Variants in KCND2 observed in about 807,000 individuals in gnomAD.
The protein encoded by KCND2 is A-type voltage-gated potassium channel KCND2.
KCND2 carries 16 observed loss-of-function variants against 54.4 expected under a neutral mutation model. The observed-to-expected ratio is 0.29, with a 90% CI of 0.20 to 0.45. The LOEUF (loss-of-function observed/expected upper bound fraction) is 0.45, where lower values mean the gene tolerates loss of function less well. KCND2 is among the 20% of genes least tolerant of loss of function. KCND2 has a pLI of 1.00. For missense variants in KCND2, 486 were observed against 824.2 expected (o/e 0.59, Z 5.02); for synonymous variants, 317 against 310.7 (o/e 1.02, Z -0.21).
At chr7:120,617,236 C>G (rs77390749) in intron 1 of KCND2, among the ~76,000 whole-genome samples, 1 of 152,080 alleles carries the variant, frequency 6.6e-6, no homozygotes, top group African/African-American at 2.4e-5. Flanking sequence ...CAGTTGTATG[C>G]CAGGCTTTGT....
intron 1 of KCND2, among the ~76,000 whole-genome samples, chr7:120,481,685 G>A (rs1802610333): frequency 6.6e-6 from 1 of 152,168 alleles, no homozygotes; most frequent in Non-Finnish European, 1.5e-5. Flanking sequence ...CCTGCATTCT[G>A]AAGCAGTGCT....
chr7:120,567,163 T>C (rs929204093), intron 1 of KCND2, among the ~76,000 whole-genome samples: 7 of 152,182 alleles, frequency 4.6e-5, no homozygotes, highest in African/African-American at 7.2e-5. Flanking sequence ...ACTAACACTA[T>C]TATTTTCCCT....
chr7:120,472,562 TACAC>T (rs10679656), intron 1 of KCND2, among the ~76,000 whole-genome samples: 11 of 149,614 alleles, frequency 7.4e-5, no homozygotes, highest in Middle Eastern at 3.5e-3. Flanking sequence ...AGACTTTAAA[TACAC>T]ACACACACAC....
At chr7:120,552,634 A>C in intron 1 of KCND2, among the ~76,000 whole-genome samples, 1 of 152,198 alleles carries the variant, frequency 6.6e-6, no homozygotes, top group East Asian at 1.9e-4. Context: ...GTTCATCGGG[A>C]TTCCTCCTGG....
intron 1 of KCND2, among the ~76,000 whole-genome samples, chr7:120,637,069 T>C (rs1793314177): frequency 6.6e-6 from 1 of 152,120 alleles, no homozygotes; most frequent in African/African-American, 2.4e-5. Context: ...GTGTACCTGC[T>C]CTGTGCCAGC....
intron 1 of KCND2, among the ~76,000 whole-genome samples, chr7:120,582,171 C>T (rs1484050491): frequency 6.6e-6 from 1 of 152,088 alleles, no homozygotes; most frequent in Non-Finnish European, 1.5e-5. Context: ...GGCCTGTGGT[C>T]ACTCTGAGCC....
chr7:120,462,689 A>G (rs941204226), intron 1 of KCND2, among the ~76,000 whole-genome samples: 4 of 151,904 alleles, frequency 2.6e-5, no homozygotes, highest in African/African-American at 9.7e-5. Context: ...ACCTTATCCT[A>G]TATTGTGATA....
At chr7:120,499,537 GT>G (rs2116314647) in intron 1 of KCND2, among the ~76,000 whole-genome samples, 1 of 152,222 alleles carries the variant, frequency 6.6e-6, no homozygotes, top group African/African-American at 2.4e-5. Context: ...TCATTTTCAA[GT>G]AATAATTTTC....
intron 1 of KCND2, among the ~76,000 whole-genome samples, chr7:120,590,669 G>A (rs575145603): frequency 6.6e-6 from 1 of 152,252 alleles, no homozygotes; most frequent in South Asian, 2.1e-4. Flanking sequence ...CAGTCCCAAA[G>A]CCACATCTTT....
chr7:120,335,853 A>G (rs569689805), intron 1 of KCND2, among the ~76,000 whole-genome samples: 2 of 152,304 alleles, frequency 1.3e-5, no homozygotes, highest in East Asian at 3.9e-4. Context: ...ATTGCCATTT[A>G]CAAGTAAAAC....
At chr7:120,680,410 G>A (rs1284987930) in intron 1 of KCND2, among the ~76,000 whole-genome samples, 1 of 152,032 alleles carries the variant, frequency 6.6e-6, no homozygotes, top group East Asian at 1.9e-4. Context: ...AACCCCATGA[G>A]GGCAACAACT....
At chr7:120,283,529 T>TA (rs532431885) in intron 1 of KCND2, among the ~76,000 whole-genome samples, 1 of 152,156 alleles carries the variant, frequency 6.6e-6, no homozygotes, top group Non-Finnish European at 1.5e-5. Flanking sequence ...GGAGATTATC[T>TA]AAAAAATGAG....
chr7:120,692,954 G>T (rs900684680), intron 1 of KCND2, among the ~76,000 whole-genome samples: 2 of 152,150 alleles, frequency 1.3e-5, no homozygotes, highest in African/African-American at 4.8e-5. Context: ...AAAGGAAAAA[G>T]GAATTATTAT....
intron 1 of KCND2, among the ~76,000 whole-genome samples, chr7:120,534,862 C>T (rs1186211883): frequency 1.3e-5 from 2 of 152,014 alleles, no homozygotes; most frequent in African/African-American, 4.8e-5. Flanking sequence ...ACTCCACATA[C>T]CACAAGTGGA....
intron 1 of KCND2, among the ~76,000 whole-genome samples, chr7:120,318,460 A>T (rs1436739462): frequency 1.3e-5 from 2 of 152,122 alleles, no homozygotes; most frequent in Non-Finnish European, 2.9e-5. Flanking sequence ...AATGACCAAA[A>T]CTGTGCTGAA....
At chr7:120,599,162 G>GTT (rs747211536) in intron 1 of KCND2, among the ~76,000 whole-genome samples, 13 of 152,054 alleles carry the variant, frequency 8.5e-5, no homozygotes, top group Non-Finnish European at 1.9e-4. Context: ...TTAAATCGTG[G>GTT]TTGGTTCCAT....
chr7:120,418,359 A>T (rs1801554145), intron 1 of KCND2, among the ~76,000 whole-genome samples: 2 of 152,200 alleles, frequency 1.3e-5, no homozygotes, highest in Non-Finnish European at 2.9e-5. Flanking sequence ...CTAACCTGAT[A>T]AGCAAGAAAA....
intron 1 of KCND2, among the ~76,000 whole-genome samples, chr7:120,712,200 A>G (rs1404449758): frequency 1.5e-5 from 2 of 136,798 alleles, no homozygotes; most frequent in Admixed American, 1.5e-4. Context: ...AATTCATAAA[A>G]CTTCTATTTT....
chr7:120,633,204 T>C (rs1793261242), intron 1 of KCND2, among the ~76,000 whole-genome samples: 2 of 152,214 alleles, frequency 1.3e-5, no homozygotes, highest in South Asian at 2.1e-4. Flanking sequence ...CCCCTACTGC[T>C]TTTGTAACCA....
Sources: allele counts gnomAD v4.1 joint callset (sites outside exome capture counted in the v4.1 genomes callset), GRCh38; gene constraint gnomAD v4.1.1; transcripts MANE v1.5; gene names NCBI Gene and HGNC (gene_info 2026-07-23, HGNC 2026-07-21).